Variants in MDM2 observed in about 807,000 individuals in gnomAD.
MDM2 encodes MDM2 proto-oncogene, also known as E3 ubiquitin-protein ligase Mdm2.
A neutral mutation model predicts 64.3 loss-of-function variants in MDM2; 11 were observed. That is an observed-to-expected ratio of 0.17 (90% confidence interval 0.11 to 0.28). The LOEUF (loss-of-function observed/expected upper bound fraction) is 0.28, where lower values mean the gene tolerates loss of function less well. Ranked by LOEUF, MDM2 falls within the 10% of genes least tolerant of loss-of-function variation. The probability of loss-of-function intolerance (pLI) is 1.00; values close to 1 mark genes in which losing one functional copy is unlikely to be tolerated. For missense variants in MDM2, 388 were observed against 577.1 expected, an observed-to-expected ratio of 0.67 and a Z score of 3.36; for synonymous variants, 194 against 192.9, an observed-to-expected ratio of 1.01 and a Z score of -0.05.
intron 3 of MDM2, chr12:68,815,626 A>G: frequency 2.4e-6 from 1 of 413,766 alleles, no homozygotes; most frequent in Non-Finnish European, 4.8e-6. Context: ...ATTTTTTTGT[A>G]GAGATGGAGT....
At chr12:68,818,107 C>G (rs1451746079) in intron 4 of MDM2, among the ~76,000 whole-genome samples, 1 of 152,090 alleles carries the variant, frequency 6.6e-6, no homozygotes, top group Non-Finnish European at 1.5e-5. Context: ...ATTTGGAATT[C>G]TTTGTCACAT....
intron 1 of MDM2, among the ~76,000 whole-genome samples, chr12:68,808,778 G>T (rs895438727): frequency 1.3e-5 from 2 of 152,088 alleles, no homozygotes; most frequent in African/African-American, 4.8e-5. Flanking sequence ...AGGTCACGGG[G>T]GCCGGGGGCT....
chr12:68,839,325 C>T lies in MDM2; in HGVS notation c.970C>T (p.His324Tyr). Residue 324 changes from histidine (H) to tyrosine (Y), a missense_variant, in exon 11 of 11, where the codon CAT (histidine) becomes TAT (tyrosine). Coordinates refer to ENST00000258149, the MANE Select transcript of MDM2 (RefSeq NM_002392.6). ...TGAAATGAATCCCCCCCTTCCATCACATTGCAACAGATGTTGGGCCCTTCG... is the reference window on the plus strand; with the variant it reads ...TGAAATGAATCCCCCCCTTCCATCATATTGCAACAGATGTTGGGCCCTTCG... ...CNEMNPPLPS[H>Y]CNRCWALREN... 6.2e-7 allele frequency: 1 copy of T among 1,613,956 alleles called. No individual in the cohort carries two copies.
At position 68,839,932 on chromosome 12, in the gene MDM2, C is replaced by T; in HGVS notation, c.*83C>T. 1 of 1,259,920 alleles carries T rather than the reference C, an allele frequency of 7.9e-7. No homozygotes were observed. Among genetic ancestry groups the T allele is most frequent in the Non-Finnish European group, 1.1e-6 (1 of 916,924 alleles). 78.0% of individuals were successfully genotyped at this position (1,259,920 alleles called of 1,614,324 possible). A position where few individuals can be genotyped will look rare whatever the true frequency, so the allele number is the denominator to read the frequency against. ...CAACCTGAAATTTATTCACATATATCAAAGTGAGAAAATGCCTCAATTCAC... is the reference window on the plus strand; with the variant it reads ...CAACCTGAAATTTATTCACATATATTAAAGTGAGAAAATGCCTCAATTCAC... On this transcript the variant is annotated 3_prime_UTR_variant, in exon 11 of 11. Coordinates refer to ENST00000258149, the MANE Select transcript of MDM2 (RefSeq NM_002392.6).
At chr12:68,831,303 T>G (rs1344145367) in intron 8 of MDM2, among the ~76,000 whole-genome samples, 1 of 152,206 alleles carries the variant, frequency 6.6e-6, no homozygotes, top group African/African-American at 2.4e-5. Context: ...CCTTACATTC[T>G]GACAATACTA....
chr12:68,808,232 C>G lies in MDM2; in HGVS notation c.-246C>G. 1 of 581,866 alleles carries G rather than the reference C, an allele frequency of 1.7e-6. No individual in the cohort carries two copies. The highest frequency in any genetic ancestry group is 2.0e-5 in the South Asian group (1 of 49,576). 36.0% of individuals were successfully genotyped at this position (581,866 alleles called of 1,614,324 possible). Reference sequence around the variant, plus strand: ...GGCTGCTTCTGGGGCCTGTGTGGCCCTGTGTGTCGGAAAGATGGAGCAAGA... The same window carrying G: ...GGCTGCTTCTGGGGCCTGTGTGGCCGTGTGTGTCGGAAAGATGGAGCAAGA... On this transcript the variant is annotated 5_prime_UTR_variant, in exon 1 of 11. Coordinates refer to ENST00000258149, the MANE Select transcript of MDM2 (RefSeq NM_002392.6).
At chr12:68,837,289 G>T (rs1488750190) in intron 10 of MDM2, among the ~76,000 whole-genome samples, 1 of 151,800 alleles carries the variant, frequency 6.6e-6, no homozygotes, top group African/African-American at 2.4e-5. Context: ...GAAAATTTCA[G>T]TGTATCTCCA....
chr12:68,824,406 C>A lies in MDM2; in HGVS notation c.402C>A (p.His134Gln). 1 of 1,613,796 alleles carries A rather than the reference C, an allele frequency of 6.2e-7. No individual in the cohort carries two copies. The change falls in exon 6 of 11, where the codon CAC becomes CAA. Residue 134 changes from histidine (H) to glutamine (Q), a missense_variant. Coordinates refer to ENST00000258149, the MANE Select transcript of MDM2 (RefSeq NM_002392.6). Reference sequence around the variant, plus strand: ...CATCTGTGAGTGAGAACAGGTGTCACCTTGAAGGTGGGAGTGATCAAAAGG... The same window carrying A: ...CATCTGTGAGTGAGAACAGGTGTCAACTTGAAGGTGGGAGTGATCAAAAGG... ...SGTSVSENRC[H>Q]LEGGSDQKDL...
intron 5 of MDM2, among the ~76,000 whole-genome samples, chr12:68,820,864 A>G (rs1409368826): frequency 6.6e-6 from 1 of 152,182 alleles, no homozygotes; most frequent in Non-Finnish European, 1.5e-5. Context: ...AGCTGATAAA[A>G]GCATTGGGTT....
chr12:68,808,292 C>G lies in MDM2; in HGVS notation c.-186C>G. 1.4e-6 allele frequency: 1 copy of G among 717,312 alleles called. No individual in the cohort carries two copies. The highest frequency in any genetic ancestry group is 2.3e-6 in the Non-Finnish European group (1 of 429,634). The allele number at this position is 717,312 out of a possible 1,614,324, so 44.4% of individuals were successfully genotyped here. The stretch of plus-strand genomic sequence containing the variant: ...CGAGGGGCGGCCGCGACCCCTCTGA[C>G]CGAGATCCTGCTGCTTTCGCAGCCA... On this transcript the variant is annotated 5_prime_UTR_variant, in exon 1 of 11. Transcript: ENST00000258149.
chr12:68,824,654 ATATATGAATATT>A lies in MDM2; in HGVS notation c.523+7_523+18del. The stretch of plus-strand genomic sequence containing the variant: ...AAGGAGAGCAATTAGTGAGACAGGT[ATATATGAATATT>A]TATTTGACGCATTCACACAGCTTTT... On this transcript the variant is annotated splice_donor_5th_base_variant and intron_variant, in intron 7 of 10. Transcript: ENST00000258149. 1 of 1,540,388 alleles carries A rather than the reference ATATATGAATATT, an allele frequency of 6.5e-7. No individual in the cohort carries two copies. Among genetic ancestry groups the A allele is most frequent in the Non-Finnish European group, 8.9e-7 (1 of 1,121,458 alleles).
rs1883885171 is a variant in MDM2 at position 68,842,672 on chromosome 12, C to G, written c.*2823C>G. 4.8e-6 allele frequency: 1 copy of G among 207,836 alleles called. No homozygotes were observed. Among genetic ancestry groups the G allele is most frequent in the African/African-American group, 2.3e-5 (1 of 43,348 alleles). 12.9% of individuals were successfully genotyped at this position (207,836 alleles called of 1,614,324 possible). ...TAGACAACATGTAATTAATGACATT[C>G]AAAAATTTATGGCTAGTGATATATA... On this transcript the variant is annotated 3_prime_UTR_variant, in exon 11 of 11. Transcript: ENST00000258149.
In MDM2 at chr12:68,831,481, G is replaced by T. The variant is rs967670089; in HGVS notation, c.684+2550G>T. ...TGACATTTTACACACGGGGTTATGT[G>T]GGGGCGGCCATGCTGTTAGGTACCT... On this transcript the variant is annotated intron_variant, in intron 8 of 10. Transcript: ENST00000258149. Among the ~76,000 whole-genome samples, 5 of 152,284 alleles carry T rather than the reference G, an allele frequency of 3.3e-5. No homozygotes were observed. In the East Asian group the frequency reaches 9.7e-4, roughly 29 times the overall value.
At chr12:68,822,513 G>A (rs1393305052) in intron 5 of MDM2, among the ~76,000 whole-genome samples, 1 of 152,006 alleles carries the variant, frequency 6.6e-6, no homozygotes, top group South Asian at 2.1e-4. Flanking sequence ...TTAAGAAATT[G>A]TGTGATAGCT....
At chr12:68,813,734 T>A in intron 3 of MDM2, 106 bp downstream of exon 3, 1 of 725,380 alleles carries the variant, frequency 1.4e-6, no homozygotes, top group Non-Finnish European at 2.3e-6. Context: ...GATTTTTCAT[T>A]AAGCAGCAAC....
At position 68,840,102 on chromosome 12, in the gene MDM2, C is replaced by T. The variant is rs1883636184; in HGVS notation, c.*253C>T. 7.4e-6 allele frequency: 3 copies of T among 407,974 alleles called. No homozygotes were observed. The highest frequency in any genetic ancestry group is 4.2e-5 in the African/African-American group (2 of 48,160). The allele number at this position is 407,974 out of a possible 1,614,324, so 25.3% of individuals were successfully genotyped here. On this transcript the variant is annotated 3_prime_UTR_variant, in exon 11 of 11. Transcript: ENST00000258149. ...TCTACTCTGTCTTAAATGAGAAGTA[C>T]TTGGTTTTTTTTTTTCTTAAATATG...
At chr12:68,813,140 A>G (rs191679658) in intron 2 of MDM2, among the ~76,000 whole-genome samples, 391 of 152,238 alleles carry the variant, frequency 2.6e-3, no homozygotes, top group Middle Eastern at 0.01. Context: ...AGCTTGGGTT[A>G]GTTAGTTAGG....
intron 2 of MDM2, among the ~76,000 whole-genome samples, chr12:68,811,292 T>C (rs1880867986): frequency 6.6e-6 from 1 of 152,234 alleles, no homozygotes; most frequent in Non-Finnish European, 1.5e-5. Context: ...TATTTAACTT[T>C]TGTTGTTTAC....
chr12:68,834,568 C>A (rs1385831751), intron 8 of MDM2, among the ~76,000 whole-genome samples: 1 of 151,822 alleles, frequency 6.6e-6, no homozygotes, highest in Admixed American at 6.6e-5. Context: ...GAAGCCCTGC[C>A]TCTACTAAAA....
Sources: gnomAD v4.1 joint callset for allele counts (sites outside exome capture counted in the v4.1 genomes callset) on GRCh38, gnomAD v4.1.1 for gene constraint, MANE v1.5 for transcripts, NCBI Gene and HGNC (gene_info 2026-07-23, HGNC 2026-07-21) for gene names.